The following FNDC3A variants were observed in gnomAD, a reference collection of about 807,000 sequenced individuals.
FNDC3A encodes fibronectin type-III domain-containing protein 3A.
In FNDC3A, 32 loss-of-function variants were observed where a neutral mutation model predicts 148.9. That is an observed-to-expected ratio of 0.21 (90% confidence interval 0.16 to 0.29). FNDC3A has a LOEUF of 0.29. Among genes scored for constraint, FNDC3A ranks in the 10% least tolerant of loss-of-function variants. FNDC3A has a pLI of 1.00. For missense variants in FNDC3A, 1,191 were observed against 1,452.8 expected (o/e 0.82, Z 2.93); for synonymous variants, 472 against 473.6 (o/e 1.00, Z 0.04).
At chr13:49,105,876 G>A (rs1443690222) in intron 3 of FNDC3A, among the ~76,000 whole-genome samples, 1 of 152,116 alleles carries the variant, frequency 6.6e-6, no homozygotes, top group African/African-American at 2.4e-5. Flanking sequence ...ATATGTATAA[G>A]TCAGATGAAT....
chr13:49,126,913 G>A (rs1418891018), intron 4 of FNDC3A, among the ~76,000 whole-genome samples: 1 of 152,220 alleles, frequency 6.6e-6, no homozygotes, highest in African/African-American at 2.4e-5. Context: ...AAATGCAGTA[G>A]AAATTATAGG....
chr13:49,126,405 T>G (rs1274700078), intron 4 of FNDC3A, among the ~76,000 whole-genome samples: 2 of 152,184 alleles, frequency 1.3e-5, no homozygotes, highest in African/African-American at 4.8e-5. Flanking sequence ...CACAGAACTC[T>G]TCATCTTGCT....
chr13:49,072,545 C>T (rs1877769112), intron 2 of FNDC3A, among the ~76,000 whole-genome samples: 1 of 151,966 alleles, frequency 6.6e-6, no homozygotes, highest in African/African-American at 2.4e-5. Context: ...TAAATTTATT[C>T]CTAGGTGGTT....
chr13:49,108,736 G>A (rs1343094333), intron 3 of FNDC3A, among the ~76,000 whole-genome samples: 3 of 152,146 alleles, frequency 2.0e-5, no homozygotes, highest in Non-Finnish European at 4.4e-5. Context: ...AGACATGGTC[G>A]GATTTACAGG....
In FNDC3A at chr13:49,196,942, C is replaced by A. The variant is rs544384951; in HGVS notation, c.2292C>A (p.Pro764=). The A allele has an allele frequency of 2.5e-6, 4 of 1,612,504 alleles. No homozygotes were observed. The East Asian group carries it at 8.9e-5, about 36-fold the overall frequency. ...TAPGPPDQCK[P]PQVTCRSATC... is the part of the protein sequence containing the mutation. The stretch of plus-strand genomic sequence containing the variant: ...CTGGGCCACCAGATCAGTGCAAGCC[C>A]CCTCAAGTGACATGTAGATCTGCAA... Residue 764 remains proline (P), a synonymous_variant, in exon 20 of 26, where the codon CCC becomes CCA. Transcript: ENST00000492622.
At chr13:49,042,578 C>G (rs1019777632) in intron 2 of FNDC3A, among the ~76,000 whole-genome samples, 2 of 151,968 alleles carry the variant, frequency 1.3e-5, no homozygotes, top group African/African-American at 4.8e-5. Flanking sequence ...AAATTTAAGA[C>G]CAGCCTAGGC....
chr13:49,043,013 T>TGGTACAATCAAGGCTCACTTCAGC (rs1243969710), intron 2 of FNDC3A, among the ~76,000 whole-genome samples: 1 of 152,144 alleles, frequency 6.6e-6, no homozygotes, highest in African/African-American at 2.4e-5. Context: ...TGGAATGCAG[T>TGGTACAATCAAGGCTCACTTCAGC]GGTACAATCA....
At chr13:49,146,621 C>G (rs1883010368) in intron 8 of FNDC3A, 1 of 152,198 alleles carries the variant, frequency 6.6e-6, no homozygotes, top group Admixed American at 6.5e-5. Context: ...CCTGTAGTCC[C>G]AGCTACTTAG....
chr13:48,979,301 A>C (rs1951658281), intron 1 of FNDC3A, among the ~76,000 whole-genome samples: 1 of 152,190 alleles, frequency 6.6e-6, no homozygotes, highest in Non-Finnish European at 1.5e-5. Flanking sequence ...CATTAGCAAA[A>C]ATTATAATAT....
At chr13:49,075,005 G>A (rs1402381296) in intron 2 of FNDC3A, among the ~76,000 whole-genome samples, 6 of 152,008 alleles carry the variant, frequency 3.9e-5, no homozygotes, top group Non-Finnish European at 8.8e-5. Flanking sequence ...AATATTCTGT[G>A]GTTTGACTCC....
chr13:49,126,699 C>A (rs1881721645), intron 4 of FNDC3A, among the ~76,000 whole-genome samples: 1 of 152,114 alleles, frequency 6.6e-6, no homozygotes, highest in Non-Finnish European at 1.5e-5. Context: ...ACCTATATGA[C>A]CCTGGGCAAG....
At chr13:49,030,107 C>T (rs922958891) in intron 2 of FNDC3A, among the ~76,000 whole-genome samples, 6 of 152,110 alleles carry the variant, frequency 3.9e-5, no homozygotes, top group African/African-American at 1.4e-4. Context: ...GACCAATATC[C>T]CTTATGAATA....
intron 3 of FNDC3A, among the ~76,000 whole-genome samples, chr13:49,093,860 A>G (rs887686530): frequency 5.3e-5 from 8 of 152,192 alleles, no homozygotes; most frequent in Non-Finnish European, 1.2e-4. Flanking sequence ...TTAGCTTTAC[A>G]TGATTTATAT....
chr13:49,071,145 C>A (rs547975191), intron 2 of FNDC3A, among the ~76,000 whole-genome samples: 5 of 138,600 alleles, frequency 3.6e-5, no homozygotes, highest in Non-Finnish European at 7.6e-5. Flanking sequence ...AGCAGTCTTT[C>A]CACCTCAGCC....
At chr13:49,031,330 C>T (rs948547374) in intron 2 of FNDC3A, among the ~76,000 whole-genome samples, 3 of 150,882 alleles carry the variant, frequency 2.0e-5, no homozygotes, top group African/African-American at 2.4e-5. Flanking sequence ...TGCAGTGAGC[C>T]GAGATCTCAC....
chr13:49,131,099 T>G (rs1246569805), intron 4 of FNDC3A, 38 bp from the exon 5 acceptor site: 1 of 1,483,420 alleles, frequency 6.7e-7, no homozygotes, highest in Non-Finnish European at 9.4e-7. Flanking sequence ...TTGTTTATAT[T>G]CTATGGAAGA....
At chr13:49,074,341 T>C (rs1482661900) in intron 2 of FNDC3A, among the ~76,000 whole-genome samples, 1 of 152,204 alleles carries the variant, frequency 6.6e-6, no homozygotes, top group African/African-American at 2.4e-5. Context: ...AATAGTGATG[T>C]TTGGTTTTCC....
At chr13:48,985,913 A>G (rs550725630) in intron 1 of FNDC3A, among the ~76,000 whole-genome samples, 1 of 152,366 alleles carries the variant, frequency 6.6e-6, no homozygotes, top group South Asian at 2.1e-4. Context: ...CTTTGTTATG[A>G]TTGGTCCTGA....
At chr13:49,072,350 G>A (rs1200188445) in intron 2 of FNDC3A, among the ~76,000 whole-genome samples, 2 of 152,084 alleles carry the variant, frequency 1.3e-5, no homozygotes, top group East Asian at 3.9e-4. Flanking sequence ...AAGGCTAGGT[G>A]AAAAGATAGA....
Sources: gnomAD v4.1 joint callset for allele counts (sites outside exome capture counted in the v4.1 genomes callset) on GRCh38, gnomAD v4.1.1 for gene constraint, MANE v1.5 for transcripts, NCBI Gene and HGNC (gene_info 2026-07-23, HGNC 2026-07-21) for gene names.